Variants in EFHC2 observed in about 807,000 individuals in gnomAD.
The protein encoded by EFHC2 is EF-hand domain containing 2.
A neutral mutation model predicts 52.7 loss-of-function variants in EFHC2; 18 were observed. The observed-to-expected ratio is 0.34, with a 90% confidence interval of 0.24 to 0.51. EFHC2 has a LOEUF of 0.51. Among genes scored for constraint, EFHC2 ranks in the 20% least tolerant of loss-of-function variants. The probability of loss-of-function intolerance (pLI) is 0.97; values close to 1 mark genes in which losing one functional copy is unlikely to be tolerated. For synonymous variants in EFHC2, 203 were observed against 204.1 expected (o/e 0.99, Z 0.04); for missense variants, 513 against 562.5 (o/e 0.91, Z 0.89).
chrX:44,323,016 A>T (rs1174300631), intron 1 of EFHC2, among the ~76,000 whole-genome samples: 1 of 111,499 alleles, frequency 9.0e-6, no homozygotes, highest in Non-Finnish European at 1.9e-5. Context: ...CCGTCTAAAA[A>T]AAAAAGGGAC....
chrX:44,324,105 C>G (rs989688891), intron 1 of EFHC2, among the ~76,000 whole-genome samples: 1 of 110,890 alleles, frequency 9.0e-6, no homozygotes. Flanking sequence ...GATTTCTAAC[C>G]TCCCCAATTG....
intron 11 of EFHC2, among the ~76,000 whole-genome samples, chrX:44,208,440 G>A (rs772907635): frequency 9.0e-6 from 1 of 111,430 alleles, no homozygotes; most frequent in South Asian, 3.8e-4. Context: ...TAAACAAAAC[G>A]TACACACATA....
At chrX:44,323,778 G>C (rs1026704981) in intron 1 of EFHC2, among the ~76,000 whole-genome samples, 3 of 111,437 alleles carry the variant, frequency 2.7e-5, no homozygotes, top group Middle Eastern at 9.2e-3. Flanking sequence ...AAGAGAAAGA[G>C]AAGGGGCTGG....
chrX:44,224,615 C>T (rs2037217469), intron 11 of EFHC2, among the ~76,000 whole-genome samples: 1 of 112,563 alleles, frequency 8.9e-6, no homozygotes, highest in Admixed American at 9.4e-5. Flanking sequence ...AGGAGAGCTA[C>T]TGACTCTGCA....
intron 2 of EFHC2, among the ~76,000 whole-genome samples, chrX:44,300,946 T>G (rs2037863501): frequency 9.2e-6 from 1 of 108,448 alleles, no homozygotes; most frequent in Non-Finnish European, 1.9e-5. Flanking sequence ...CCATCTACAC[T>G]AAAAATACAC....
chrX:44,189,741 T>C (rs2036905815), intron 11 of EFHC2, among the ~76,000 whole-genome samples: 1 of 110,757 alleles, frequency 9.0e-6, no homozygotes, highest in Admixed American at 9.6e-5. Flanking sequence ...TTGTTGAGTG[T>C]TAGGGAGACA....
intron 3 of EFHC2, among the ~76,000 whole-genome samples, chrX:44,271,910 A>G (rs1217332129): frequency 8.9e-6 from 1 of 111,894 alleles, no homozygotes; most frequent in Admixed American, 9.5e-5. Context: ...GAGTCTCCCC[A>G]TTACAGACAA....
intron 14 of EFHC2, among the ~76,000 whole-genome samples, chrX:44,153,891 C>T (rs1256795658): frequency 8.9e-6 from 1 of 112,348 alleles, no homozygotes; most frequent in Non-Finnish European, 1.9e-5. Flanking sequence ...ATTAATCCTA[C>T]ACTATGCAAT....
At position 44,163,985 on chromosome X, in the gene EFHC2, G is replaced by A; in HGVS notation, c.2085C>T (p.Phe695=). The part of the protein sequence containing the change: ...SEKQIDYKSF[F]SALNWRKNPV... ...GATTCTTTCTCCAGTTCAGGGCAGAGAAAAATGACTTATAATCTATTTGTT... is the reference window on the plus strand; with the variant it reads ...GATTCTTTCTCCAGTTCAGGGCAGAAAAAAATGACTTATAATCTATTTGTT... The change falls in exon 14 of 15, where the codon TTC becomes TTT. Residue 695 remains phenylalanine (F), a synonymous_variant. Transcript: ENST00000420999. The A allele has an allele frequency of 8.6e-7, 1 of 1,161,847 alleles. No homozygotes were observed.
intron 1 of EFHC2, among the ~76,000 whole-genome samples, chrX:44,332,294 C>G (rs12008906): frequency 0.02 from 2,277 of 111,366 alleles, 64 homozygotes; most frequent in African/African-American, 0.071. Flanking sequence ...GTCTAAATTA[C>G]AGTTAAACCA....
chrX:44,167,392 C>A (rs1217829839), intron 13 of EFHC2, among the ~76,000 whole-genome samples: 1 of 112,055 alleles, frequency 8.9e-6, no homozygotes, highest in Non-Finnish European at 1.9e-5. Context: ...GAAGTCACCA[C>A]ACGAAGTCCT....
Position 44,302,275 on chromosome X carries a change from GA to G in EFHC2, c.231+10292del, listed in dbSNP as rs201973649. Among the ~76,000 whole-genome samples, 911 of 111,885 alleles carry G rather than the reference GA, an allele frequency of 8.1e-3. 7 individuals carry two copies. The highest frequency in any genetic ancestry group is 0.028 in the African/African-American group (873 of 30,825). ...GACAATTTTAACTTTGGACTAATCA[GA>G]ATAAGCCACAGGCCTAGTTACTGAT... On this transcript the variant is annotated intron_variant, in intron 2 of 14. Coordinates refer to ENST00000420999, the MANE Select transcript of EFHC2 (RefSeq NM_025184.4).
At chrX:44,223,505 C>CTTT (rs5902343) in intron 11 of EFHC2, among the ~76,000 whole-genome samples, 6 of 104,296 alleles carry the variant, frequency 5.8e-5, no homozygotes, top group African/African-American at 1.7e-4. Flanking sequence ...TAATAAATTC[C>CTTT]TTTTTTTTTT....
At chrX:44,224,902 G>C (rs73628326) in intron 11 of EFHC2, among the ~76,000 whole-genome samples, 3,844 of 100,640 alleles carry the variant, frequency 0.038, 183 homozygotes, top group African/African-American at 0.14. Flanking sequence ...CTTGGCATTG[G>C]GCTCTCAGTG....
intron 13 of EFHC2, among the ~76,000 whole-genome samples, chrX:44,174,655 G>C (rs748643795): frequency 9.9e-6 from 1 of 101,396 alleles, no homozygotes; most frequent in Non-Finnish European, 2.0e-5. Context: ...AAAAAAAGGG[G>C]GGGGGAGGGG....
At chrX:44,307,303 C>G (rs771202038) in intron 2 of EFHC2, among the ~76,000 whole-genome samples, 1 of 111,799 alleles carries the variant, frequency 8.9e-6, no homozygotes, top group Non-Finnish European at 1.9e-5. Context: ...AGATATATTG[C>G]TAGGATTAAA....
chrX:44,158,166 A>T (rs2036623077), intron 14 of EFHC2, among the ~76,000 whole-genome samples: 1 of 111,496 alleles, frequency 9.0e-6, no homozygotes, highest in African/African-American at 3.3e-5. Context: ...CACCCATAAC[A>T]TCCATCCTAT....
intron 11 of EFHC2, among the ~76,000 whole-genome samples, chrX:44,218,964 T>C (rs1018600958): frequency 9.0e-6 from 1 of 111,033 alleles, no homozygotes; most frequent in Non-Finnish European, 1.9e-5. Flanking sequence ...GGGGAATGAA[T>C]CAACAAATGG....
intron 2 of EFHC2, among the ~76,000 whole-genome samples, chrX:44,280,259 CA>C (rs758141389): frequency 7.7e-5 from 8 of 103,691 alleles, no homozygotes; most frequent in Admixed American, 1.0e-4. Context: ...GCCACCTACA[CA>C]AAAAAAAAAC....
Sources: gnomAD v4.1 joint callset for allele counts (sites outside exome capture counted in the v4.1 genomes callset) on GRCh38, gnomAD v4.1.1 for gene constraint, MANE v1.5 for transcripts, NCBI Gene and HGNC (gene_info 2026-07-23, HGNC 2026-07-21) for gene names.